Variants in MBOAT2 observed in about 807,000 individuals in gnomAD.
The protein encoded by MBOAT2 is membrane-bound glycerophospholipid O-acyltransferase 2.
In MBOAT2, 28 loss-of-function variants were observed where a neutral mutation model predicts 63.4. That is an observed-to-expected ratio of 0.44 (90% confidence interval 0.33 to 0.61). The LOEUF (loss-of-function observed/expected upper bound fraction) is 0.61, where lower values mean the gene tolerates loss of function less well. Ranked by LOEUF, MBOAT2 falls within the 20% of genes least tolerant of loss-of-function variation. The pLI, the probability that MBOAT2 is intolerant of heterozygous loss-of-function variation, is 0.03. For synonymous variants in MBOAT2, 211 were observed against 215.6 expected, an observed-to-expected ratio of 0.98 and a Z score of 0.19; for missense variants, 470 against 605.8, an observed-to-expected ratio of 0.78 and a Z score of 2.35.
intron 8 of MBOAT2, among the ~76,000 whole-genome samples, chr2:8,872,125 T>G (rs1662371349): frequency 6.6e-6 from 1 of 152,344 alleles, no homozygotes; most frequent in East Asian, 1.9e-4. Context: ...CCATTTCACC[T>G]GACCAGGTCC....
At chr2:8,962,602 C>A (rs772013752) in intron 1 of MBOAT2, among the ~76,000 whole-genome samples, 1 of 152,040 alleles carries the variant, frequency 6.6e-6, no homozygotes, top group Non-Finnish European at 1.5e-5. Flanking sequence ...GCAAGAGGGA[C>A]CTTTGGTGGT....
intron 7 of MBOAT2, among the ~76,000 whole-genome samples, 190 bp from the exon 8 acceptor site, chr2:8,873,490 G>C (rs1662489246): frequency 6.6e-6 from 1 of 151,992 alleles, no homozygotes; most frequent in Admixed American, 6.6e-5. Context: ...TTTTCCAACT[G>C]TATCTATAAG....
intron 3 of MBOAT2, among the ~76,000 whole-genome samples, chr2:8,924,939 A>AG (rs1369043306): frequency 2.6e-5 from 4 of 152,188 alleles, no homozygotes; most frequent in African/African-American, 9.7e-5. Context: ...CCTGATTAAC[A>AG]GTCCCCAATT....
At chr2:8,891,894 G>A (rs887492786) in intron 4 of MBOAT2, among the ~76,000 whole-genome samples, 1 of 152,216 alleles carries the variant, frequency 6.6e-6, no homozygotes, top group Non-Finnish European at 1.5e-5. Flanking sequence ...TGCTAAGAAT[G>A]TGGGAAAATA....
chr2:8,998,624 G>C lies in MBOAT2; in HGVS notation c.75+4916C>G, dbSNP rs78772232. 9.4e-3 allele frequency among the ~76,000 whole-genome samples: 1,416 copies of C among 151,018 alleles called. 22 individuals are homozygous for C. The highest frequency in any genetic ancestry group is 0.033 in the African/African-American group (1,352 of 41,334). ...AGGGGAAGAGCGGGGGGCGGGGGTT[G>C]GGAATATATAGAAAAGATCAGTCAA... On this transcript the variant is annotated intron_variant, in intron 1 of 12. Coordinates refer to ENST00000305997, the MANE Select transcript of MBOAT2 (RefSeq NM_138799.4).
At chr2:8,963,561 C>T (rs995201046) in intron 1 of MBOAT2, among the ~76,000 whole-genome samples, 3 of 152,054 alleles carry the variant, frequency 2.0e-5, no homozygotes, top group Non-Finnish European at 4.4e-5. Context: ...CCTTGGCCTC[C>T]CAAAGTGCTG....
Position 8,873,203 on chromosome 2 carries a change from T to C in MBOAT2, c.788A>G (p.His263Arg). The change falls in exon 8 of 13, where the codon CAT becomes CGT. Residue 263 changes from histidine (H) to arginine (R), a missense_variant. Physicochemically the swap from His to Arg is conservative, Grantham distance 29. Coordinates refer to ENST00000305997, the MANE Select transcript of MBOAT2 (RefSeq NM_138799.4). The stretch of plus-strand genomic sequence containing the variant: ...TGGCCACGAAGCTGTAGCTTGAAAA[T>C]GCTCATCAATGTTGTACTCCACAGG... ...TLPVEYNIDEHFQATASWPTK... is the reference protein window; with the variant it reads ...TLPVEYNIDERFQATASWPTK... 1 of 1,614,154 alleles carries C rather than the reference T, an allele frequency of 6.2e-7. No individual in the cohort carries two copies. Among genetic ancestry groups the C allele is most frequent in the Non-Finnish European group, 8.5e-7 (1 of 1,180,018 alleles).
chr2:8,876,690 AAAGAAAAGG>A (rs1014278946), intron 7 of MBOAT2, among the ~76,000 whole-genome samples: 1 of 151,748 alleles, frequency 6.6e-6, no homozygotes, highest in African/African-American at 2.4e-5. Flanking sequence ...AATAAGAAAG[AAAGAAAAGG>A]AAGGGAAGGA....
Position 8,862,788 on chromosome 2 carries a change from T to C in MBOAT2, c.1053-66A>G. The C allele has an allele frequency of 6.5e-7, 1 of 1,537,392 alleles. No individual in the cohort carries two copies. The highest frequency in any genetic ancestry group is 8.7e-7 in the Non-Finnish European group (1 of 1,144,578). ...TGACCCGAGTTTACAAAGCCTGCAA[T>C]GATCATTCTTTTATTACCTGACAGG... On this transcript the variant is annotated intron_variant, in intron 10 of 12. Coordinates refer to ENST00000305997, the MANE Select transcript of MBOAT2 (RefSeq NM_138799.4). This position sits in a 1 kb window ranked among gnomAD's most constrained non-coding sequence, Gnocchi z 4.3.
At chr2:8,894,440 T>C (rs1664273673) in intron 4 of MBOAT2, among the ~76,000 whole-genome samples, 1 of 152,222 alleles carries the variant, frequency 6.6e-6, no homozygotes, top group South Asian at 2.1e-4. Context: ...GCCCACTACT[T>C]GCAGGCAGTT....
In MBOAT2 at chr2:8,873,205, C is replaced by T; in HGVS notation, c.786G>A (p.Glu262=). The change falls in exon 8 of 13, where the codon GAG becomes GAA. Residue 262 remains glutamate (E), a synonymous_variant. Transcript: ENST00000305997. ...TTLPVEYNID[E]HFQATASWPT... ...GCCACGAAGCTGTAGCTTGAAAATG[C>T]TCATCAATGTTGTACTCCACAGGTA... The T allele has an allele frequency of 6.2e-7, 1 of 1,614,150 alleles. No individual in the cohort carries two copies. The highest frequency in any genetic ancestry group is 1.7e-5 in the Admixed American group (1 of 60,020).
intron 1 of MBOAT2, among the ~76,000 whole-genome samples, chr2:8,982,288 G>C (rs1247145635): frequency 6.6e-6 from 1 of 152,152 alleles, no homozygotes; most frequent in East Asian, 1.9e-4. Flanking sequence ...CCTGGAGAAA[G>C]CTGTACTACA....
intron 1 of MBOAT2, among the ~76,000 whole-genome samples, chr2:8,972,055 G>A (rs1331733129): frequency 6.6e-6 from 1 of 152,120 alleles, no homozygotes; most frequent in Admixed American, 6.6e-5. Flanking sequence ...AGCCCACATA[G>A]CCAAGACAAT....
chr2:8,898,431 G>T (rs1664652010), intron 4 of MBOAT2, among the ~76,000 whole-genome samples: 1 of 152,216 alleles, frequency 6.6e-6, no homozygotes, highest in Admixed American at 6.5e-5. Context: ...TTCATTCCTT[G>T]CTGAGGGCCC....
chr2:8,957,990 G>C (rs191527765), intron 2 of MBOAT2, among the ~76,000 whole-genome samples: 1 of 152,216 alleles, frequency 6.6e-6, no homozygotes, highest in East Asian at 1.9e-4. Flanking sequence ...TGAAAAGTCA[G>C]AAATAAAAGC....
intron 1 of MBOAT2, chr2:8,974,369 T>C: frequency 2.2e-6 from 1 of 456,536 alleles, no homozygotes. Flanking sequence ...TTTTCGCCTG[T>C]GGACTCTGCC....
chr2:8,932,934 CATA>C (rs1667425730), intron 3 of MBOAT2, among the ~76,000 whole-genome samples: 1 of 152,196 alleles, frequency 6.6e-6, no homozygotes. Context: ...AGGTAGAGTT[CATA>C]ATTTAGCAAG....
intron 2 of MBOAT2, among the ~76,000 whole-genome samples, chr2:8,953,189 T>C (rs953671359): frequency 1.3e-5 from 2 of 152,220 alleles, no homozygotes; most frequent in African/African-American, 4.8e-5. Context: ...CTTGCTTGTC[T>C]AGAAAAGAGT....
intron 1 of MBOAT2, among the ~76,000 whole-genome samples, chr2:8,972,789 C>A (rs1459895359): frequency 2.0e-5 from 3 of 152,158 alleles, no homozygotes; most frequent in African/African-American, 7.2e-5. Flanking sequence ...CACTGGCCAT[C>A]AGAGAAATGC....
Sources: allele counts gnomAD v4.1 joint callset (sites outside exome capture counted in the v4.1 genomes callset), GRCh38; gene constraint gnomAD v4.1.1; non-coding constraint Gnocchi (gnomAD v3.1); transcripts MANE v1.5; gene names NCBI Gene and HGNC (gene_info 2026-07-23, HGNC 2026-07-21).